The following CTNNA2 variants were observed in gnomAD, a reference collection of about 807,000 sequenced individuals.
CTNNA2 encodes the protein catenin alpha 2, also known as catenin alpha-2.
A neutral mutation model predicts 101.0 loss-of-function variants in CTNNA2; 42 were observed. That is an observed-to-expected ratio of 0.42 (90% CI 0.32 to 0.54). The LOEUF (loss-of-function observed/expected upper bound fraction) is 0.54. Among genes scored for constraint, CTNNA2 ranks in the 20% least tolerant of loss-of-function variants. CTNNA2 has a pLI of 0.14. For missense variants in CTNNA2, 871 were observed against 1,223.1 expected (o/e 0.71, Z 4.29); for synonymous variants, 450 against 456.4 (o/e 0.99, Z 0.18).
At chr2:80,041,815 G>A (rs555495047) in intron 7 of CTNNA2, among the ~76,000 whole-genome samples, 6 of 152,142 alleles carry the variant, frequency 3.9e-5, no homozygotes, top group South Asian at 4.2e-4. Flanking sequence ...CTAGACATGC[G>A]GATTTAAGAG....
At chr2:79,585,949 G>A (rs907760999) in intron 1 of CTNNA2, among the ~76,000 whole-genome samples, 8 of 152,156 alleles carry the variant, frequency 5.3e-5, no homozygotes, top group Non-Finnish European at 1.0e-4. Flanking sequence ...TGGAGAAAGA[G>A]TGGGAAGGGT....
At chr2:79,952,979 T>C (rs545337364) in intron 7 of CTNNA2, among the ~76,000 whole-genome samples, 1 of 152,354 alleles carries the variant, frequency 6.6e-6, no homozygotes, top group African/African-American at 2.4e-5. Flanking sequence ...GTCTTTCTGA[T>C]GCTGACAAGG....
At chr2:79,918,674 A>G (rs563166934) in intron 7 of CTNNA2, among the ~76,000 whole-genome samples, 4 of 152,326 alleles carry the variant, frequency 2.6e-5, no homozygotes, top group South Asian at 2.1e-4. Context: ...TCCAGAATGT[A>G]TTTTAAAGGC....
chr2:80,203,740 G>T (rs1334983772), intron 7 of CTNNA2, among the ~76,000 whole-genome samples: 2 of 152,188 alleles, frequency 1.3e-5, no homozygotes, highest in African/African-American at 4.8e-5. Context: ...TCTTCTCACA[G>T]CTCCACTAGG....
At chr2:80,524,729 G>C (rs2149582016) in intron 9 of CTNNA2, among the ~76,000 whole-genome samples, 1 of 152,104 alleles carries the variant, frequency 6.6e-6, no homozygotes, top group East Asian at 1.9e-4. Context: ...TAAGCCTAGG[G>C]ACCTGTGTAT....
At chr2:80,031,813 A>C (rs569790015) in intron 7 of CTNNA2, among the ~76,000 whole-genome samples, 2 of 152,346 alleles carry the variant, frequency 1.3e-5, no homozygotes, top group South Asian at 2.1e-4. Flanking sequence ...AAATAATTCT[A>C]ATTGATTTTG....
chr2:79,886,523 G>A lies in CTNNA2; in HGVS notation c.852+12181G>A, dbSNP rs533510363. Among the ~76,000 whole-genome samples, 348 of 151,714 alleles carry A rather than the reference G, an allele frequency of 2.3e-3. 1 individual carries two copies. Among genetic ancestry groups the A allele is most frequent in the African/African-American group, 8.0e-3 (330 of 41,406 alleles). ...TCCCAGCACTTTGGGAGGCCGAGGC[G>A]GGCGGATCACGAGGTCAGGAGATCA... On this transcript the variant is annotated intron_variant, in intron 6 of 18. Coordinates refer to ENST00000402739, the MANE Select transcript of CTNNA2 (RefSeq NM_001282597.3).
intron 4 of CTNNA2, among the ~76,000 whole-genome samples, chr2:79,438,347 C>T (rs1468272087): frequency 1.3e-5 from 2 of 152,136 alleles, no homozygotes; most frequent in Non-Finnish European, 2.9e-5. Context: ...ACGCACAAAG[C>T]CCTGTGAGGT....
chr2:80,328,726 A>G (rs1667812871), intron 7 of CTNNA2, among the ~76,000 whole-genome samples: 1 of 152,234 alleles, frequency 6.6e-6, no homozygotes, highest in Non-Finnish European at 1.5e-5. Context: ...TCATGCTTCC[A>G]TTATTGACAG....
At chr2:80,373,249 G>C (rs1278918929) in intron 7 of CTNNA2, among the ~76,000 whole-genome samples, 1 of 152,100 alleles carries the variant, frequency 6.6e-6, no homozygotes, top group East Asian at 1.9e-4. Context: ...AGGACCAATG[G>C]TTTAGCCATG....
At chr2:80,178,714 A>G (rs1705559014) in intron 7 of CTNNA2, among the ~76,000 whole-genome samples, 1 of 152,198 alleles carries the variant, frequency 6.6e-6, no homozygotes, top group Non-Finnish European at 1.5e-5. Context: ...TCCAAAATCC[A>G]AATAGACCCA....
intron 3 of CTNNA2, among the ~76,000 whole-genome samples, chr2:79,757,371 G>A (rs1301833683): frequency 6.6e-6 from 1 of 152,146 alleles, no homozygotes; most frequent in African/African-American, 2.4e-5. Flanking sequence ...GACTTGCAAA[G>A]AATGGTAAAT....
At chr2:79,315,302 T>C (rs1196814661) in intron 3 of CTNNA2, among the ~76,000 whole-genome samples, 1 of 152,194 alleles carries the variant, frequency 6.6e-6, no homozygotes, top group African/African-American at 2.4e-5. Context: ...ATTCAATAGT[T>C]TCCATATAGT....
At chr2:79,428,281 A>C (rs1678613604) in intron 4 of CTNNA2, among the ~76,000 whole-genome samples, 1 of 152,108 alleles carries the variant, frequency 6.6e-6, no homozygotes, top group Admixed American at 6.6e-5. Flanking sequence ...GTTCTTTAGA[A>C]TGTGAAAGCA....
At chr2:80,501,841 A>G (rs1268014783) in intron 9 of CTNNA2, among the ~76,000 whole-genome samples, 1 of 152,200 alleles carries the variant, frequency 6.6e-6, no homozygotes, top group Admixed American at 6.5e-5. Flanking sequence ...AGTATATGGA[A>G]GGTGGGTGAT....
chr2:80,317,659 T>G (rs1180230256), intron 7 of CTNNA2, among the ~76,000 whole-genome samples: 1 of 152,208 alleles, frequency 6.6e-6, no homozygotes, highest in African/African-American at 2.4e-5. Flanking sequence ...TTCTACCATC[T>G]GTTGCTGTTT....
intron 4 of CTNNA2, among the ~76,000 whole-genome samples, chr2:79,432,634 G>C (rs1340763659): frequency 6.6e-6 from 1 of 152,080 alleles, no homozygotes; most frequent in Non-Finnish European, 1.5e-5. Flanking sequence ...GTAAAATCTG[G>C]GAAACTTTCA....
chr2:80,514,918 C>T (rs2149560116), intron 9 of CTNNA2, among the ~76,000 whole-genome samples: 1 of 152,278 alleles, frequency 6.6e-6, no homozygotes, highest in South Asian at 2.1e-4. Flanking sequence ...GAAGTTCTCA[C>T]TTTGGGCCGC....
intron 4 of CTNNA2, among the ~76,000 whole-genome samples, chr2:79,496,026 G>A (rs1397495417): frequency 6.6e-6 from 1 of 152,096 alleles, no homozygotes; most frequent in Non-Finnish European, 1.5e-5. Flanking sequence ...CTGCTAATGG[G>A]TACAGAATGT....
Sources: allele counts gnomAD v4.1 joint callset (sites outside exome capture counted in the v4.1 genomes callset), GRCh38; gene constraint gnomAD v4.1.1; transcripts MANE v1.5; gene names NCBI Gene and HGNC (gene_info 2026-07-23, HGNC 2026-07-21).